Variants in POTEB3 observed in about 807,000 individuals in gnomAD.
The protein encoded by POTEB3 is POTE ankyrin domain family member B3.
In POTEB3, 5 loss-of-function variants were observed where a neutral mutation model predicts 39.8. The observed-to-expected ratio is 0.13, with a 90% CI of 0.07 to 0.26. POTEB3 has a LOEUF of 0.26. Ranked by LOEUF, POTEB3 falls within the 10% of genes least tolerant of loss-of-function variation. The pLI, the probability that POTEB3 is intolerant of heterozygous loss-of-function variation, is 1.00. For synonymous variants in POTEB3, 5 were observed against 161.5 expected (o/e 0.03, Z 7.35); for missense variants, 24 against 475.6 (o/e 0.05, Z 8.83).
At chr15:21,410,778 T>C in intron 10 of POTEB3, 100 bp downstream of exon 10, 5 of 715,606 alleles carry the variant, frequency 7.0e-6, no homozygotes, top group Non-Finnish European at 9.6e-6. Flanking sequence ...CACACACGTG[T>C]GTATATATAT....
At position 21,419,539 on chromosome 15, in the gene POTEB3, C is replaced by G; in HGVS notation, c.1334G>C (p.Gly445Ala). 1 of 934,734 alleles carries G rather than the reference C, an allele frequency of 1.1e-6. No individual in the cohort carries two copies. Among genetic ancestry groups the G allele is most frequent in the East Asian group, 3.0e-5 (1 of 33,490 alleles). The allele number at this position is 934,734 out of a possible 1,614,324, so 57.9% of individuals were successfully genotyped here. The change falls in exon 9 of 11, where the codon GGA (glycine) becomes GCA (alanine). Residue 445 changes from glycine to alanine, a missense_variant. Gly to Ala is a moderately conservative substitution (Grantham distance 60). Coordinates refer to ENST00000611217, the MANE Select transcript of POTEB3 (RefSeq NM_207355.5). Reference protein sequence around the residue: ...NGASAGNGDDGLIPQRKSRKP... With the variant: ...NGASAGNGDDALIPQRKSRKP... Reference sequence around the variant, plus strand: ...TCTGCTCTTCCTTTGTGGAATTAATCCATCATCACCATTGCCAGCACTGGC... The same window carrying G: ...TCTGCTCTTCCTTTGTGGAATTAATGCATCATCACCATTGCCAGCACTGGC...
intron 6 of POTEB3, among the ~76,000 whole-genome samples, chr15:21,422,761 T>C (rs1171505863): frequency 2.6e-5 from 4 of 151,516 alleles, no homozygotes; most frequent in Admixed American, 2.6e-4. Context: ...CAAATTCTTG[T>C]TTTCCCTCAA....
intron 4 of POTEB3, 46 bp downstream of exon 4, chr15:21,431,692 CT>C (rs1898975306): frequency 7.8e-7 from 1 of 1,278,430 alleles, no homozygotes; most frequent in African/African-American, 1.6e-5. Flanking sequence ...ACTTGAGTGA[CT>C]GCTATCAATC....
chr15:21,434,052 CACACACACACACAA>C lies in POTEB3; in HGVS notation c.810+595_810+608del, dbSNP rs1225378033. Among the ~76,000 whole-genome samples the C allele has an allele frequency of 8.2e-3, 847 of 103,620 alleles. 44 individuals are homozygous for C. The highest frequency in any genetic ancestry group is 0.056 in the Admixed American group (610 of 10,924). The allele number at this position is 103,620 out of a possible 152,430, so 68.0% of individuals were successfully genotyped here. On this transcript the variant is annotated intron_variant, in intron 3 of 10. Transcript: ENST00000611217. ...AACAACACACACACACACACACACA[CACACACACACACAA>C]ACAAAAACAAAAACAAAAAAAAAAC... is the stretch of plus-strand genomic sequence containing the variant.
chr15:21,422,544 C>G (rs1898547326), intron 6 of POTEB3, among the ~76,000 whole-genome samples: 1 of 137,422 alleles, frequency 7.3e-6, no homozygotes, highest in African/African-American at 2.8e-5. Flanking sequence ...TAAAGAGAAA[C>G]AAGTTTTCCT....
At chr15:21,423,322 C>A (rs1898582356) in intron 6 of POTEB3, among the ~76,000 whole-genome samples, 1 of 91,028 alleles carries the variant, frequency 1.1e-5, no homozygotes, top group Non-Finnish European at 2.3e-5. Flanking sequence ...TGGTCTTGAT[C>A]TTTTGACCTT....
intron 5 of POTEB3, among the ~76,000 whole-genome samples, chr15:21,428,587 A>T (rs1363043442): frequency 3.6e-4 from 55 of 150,702 alleles, no homozygotes; most frequent in African/African-American, 1.3e-3. Context: ...AATGCTTTAT[A>T]TTGATGTTCA....
At chr15:21,426,453 G>T (rs1416386333) in intron 6 of POTEB3, among the ~76,000 whole-genome samples, 1 of 149,218 alleles carries the variant, frequency 6.7e-6, no homozygotes, top group Non-Finnish European at 1.5e-5. Context: ...ACAAGCTCCT[G>T]TCTGTATTTT....
Position 21,408,891 on chromosome 15 carries a change from T to A in POTEB3, c.*92A>T. On this transcript the variant is annotated 3_prime_UTR_variant, in exon 11 of 11. Transcript: ENST00000611217. ...TCAGTCTACAATGACATGATTGAAT[T>A]TCCATTTCCAGTGTTTCCTAGCTGT... The A allele has an allele frequency of 2.3e-6, 1 of 426,426 alleles. No individual in the cohort carries two copies. The highest frequency in any genetic ancestry group is 4.1e-6 in the Non-Finnish European group (1 of 244,992). The allele number at this position is 426,426 out of a possible 1,614,324, so 26.4% of individuals were successfully genotyped here. A position where few individuals can be genotyped will look rare whatever the true frequency, so the allele number is the denominator to read the frequency against.
chr15:21,433,918 G>C (rs1241827119), intron 3 of POTEB3, among the ~76,000 whole-genome samples: 1 of 150,738 alleles, frequency 6.6e-6, no homozygotes, highest in African/African-American at 2.5e-5. Context: ...TGATCTCTAG[G>C]CAGTTTACAA....
At chr15:21,418,329 AT>A (rs1898443876) in intron 9 of POTEB3, among the ~76,000 whole-genome samples, 1 of 21,716 alleles carries the variant, frequency 4.6e-5, no homozygotes, top group Non-Finnish European at 7.7e-5. Context: ...GTTTTACCCA[AT>A]ATACTCAAAT....
intron 5 of POTEB3, 104 bp from the exon 6 acceptor site, chr15:21,427,859 T>A: frequency 9.1e-7 from 1 of 1,104,162 alleles, no homozygotes; most frequent in Non-Finnish European, 1.3e-6. Flanking sequence ...TATCATAATA[T>A]CAGAATTTAA....
chr15:21,440,007 A>G lies in POTEB3; in HGVS notation c.5T>C (p.Val2Ala). Residue 2 changes from valine (V) to alanine (A), a missense_variant, in exon 1 of 11, where the codon GTG (valine) becomes GCG (alanine). Physicochemically the swap from Val to Ala is moderately conservative, Grantham distance 64. Coordinates refer to ENST00000611217, the MANE Select transcript of POTEB3 (RefSeq NM_207355.5). M[V>A]AEVCSMPAAS... Reference sequence around the variant, plus strand: ...AGCGGGCATTGAACAAACCTCAGCCACCATCTGCTTTTAACAGCCAGGGGA... The same window carrying G: ...AGCGGGCATTGAACAAACCTCAGCCGCCATCTGCTTTTAACAGCCAGGGGA... The G allele has an allele frequency of 6.4e-7, 1 of 1,573,174 alleles. No individual in the cohort carries two copies. The highest frequency in any genetic ancestry group is 8.7e-7 in the Non-Finnish European group (1 of 1,148,338).
Position 21,439,950 on chromosome 15 carries a change from C to T in POTEB3, c.62G>A (p.Arg21Lys), listed in dbSNP as rs1173746782. ...GTGGCACCACTTGCCCATCTTGCTC[C>T]TGAGATCAAATGGCTTCTTCACAGC... Reference protein sequence around the residue: ...ASAVKKPFDLRSKMGKWCHHR... With the variant: ...ASAVKKPFDLKSKMGKWCHHR... The change falls in exon 1 of 11, where the codon AGG becomes AAG. Residue 21 changes from arginine (R) to lysine (K), a missense_variant. Arg to Lys is a conservative substitution (Grantham distance 26). Coordinates refer to ENST00000611217, the MANE Select transcript of POTEB3 (RefSeq NM_207355.5). 2 of 1,609,242 alleles carry T rather than the reference C, an allele frequency of 1.2e-6. No individual in the cohort carries two copies. Among genetic ancestry groups the T allele is most frequent in the Admixed American group, 1.7e-5 (1 of 59,682 alleles).
intron 3 of POTEB3, among the ~76,000 whole-genome samples, chr15:21,434,030 A>AACACACAC (rs60010729): frequency 3.3e-5 from 4 of 120,054 alleles, no homozygotes; most frequent in African/African-American, 1.1e-4. Flanking sequence ...CAACAATAAC[A>AACACACAC]ACACACACAC....
In POTEB3 at chr15:21,419,516, T is replaced by C. The variant is rs1898453499; in HGVS notation, c.1357A>G (p.Arg453Gly). 1.1e-6 allele frequency: 1 copy of C among 877,218 alleles called. No homozygotes were observed. Among genetic ancestry groups the C allele is most frequent in the Admixed American group, 3.4e-5 (1 of 29,604 alleles). The allele number at this position is 877,218 out of a possible 1,614,324, so 54.3% of individuals were successfully genotyped here. A position where few individuals can be genotyped will look rare whatever the true frequency, so the allele number is the denominator to read the frequency against. ...GGAAATTGCTGATTTTCAGGTTTTC[T>C]GCTCTTCCTTTGTGGAATTAATCCA... ...DDGLIPQRKS[R>G]KPENQQFPDT... Residue 453 changes from arginine to glycine, a missense_variant, in exon 9 of 11, where the codon AGA becomes GGA. Transcript: ENST00000611217.
chr15:21,426,520 T>C (rs1391587780), intron 6 of POTEB3, among the ~76,000 whole-genome samples: 1 of 146,424 alleles, frequency 6.8e-6, no homozygotes, highest in East Asian at 2.0e-4. Context: ...AGACATTTGA[T>C]AGTTATTTGT....
intron 3 of POTEB3, among the ~76,000 whole-genome samples, chr15:21,433,514 C>G (rs1412590630): frequency 1.3e-5 from 2 of 150,574 alleles, no homozygotes; most frequent in Non-Finnish European, 3.0e-5. Context: ...ATGCACAACT[C>G]TAGCTGGAAG....
chr15:21,412,955 G>A (rs1399982993), intron 9 of POTEB3, among the ~76,000 whole-genome samples: 1,138 of 95,986 alleles, frequency 0.012, 67 homozygotes, highest in Non-Finnish European at 0.016. Flanking sequence ...CCTATACAAT[G>A]GGGAAAATAT....
Sources: allele counts gnomAD v4.1 joint callset (sites outside exome capture counted in the v4.1 genomes callset), GRCh38; gene constraint gnomAD v4.1.1; transcripts MANE v1.5; gene names NCBI Gene and HGNC (gene_info 2026-07-23, HGNC 2026-07-21).